The following CRACD variants were observed in gnomAD, a reference collection of about 807,000 sequenced individuals.
The protein encoded by CRACD is capping protein inhibiting regulator of actin dynamics, also known as capping protein-inhibiting regulator of actin dynamics.
Under a neutral mutation model 106.8 loss-of-function variants are expected in CRACD, and 56 were observed. That is an observed-to-expected ratio of 0.52 (90% CI 0.42 to 0.66). CRACD has a LOEUF of 0.66. CRACD is among the 30% of genes least tolerant of loss of function. The pLI is 0.00. For synonymous variants in CRACD, 754 were observed against 670.8 expected (o/e 1.12, Z -1.92); for missense variants, 1,730 against 1,623.2 (o/e 1.07, Z -1.13).
chr4:56,242,421 C>T (rs1297270186), intron 2 of CRACD, among the ~76,000 whole-genome samples: 1 of 152,140 alleles, frequency 6.6e-6, no homozygotes, highest in African/African-American at 2.4e-5. Flanking sequence ...TCACTTCCTT[C>T]TGCTCTTCCA....
intron 9 of CRACD, 135 bp from the exon 10 acceptor site, chr4:56,323,969 C>T (rs1472605411): frequency 2.1e-6 from 2 of 936,792 alleles, no homozygotes; most frequent in Non-Finnish European, 3.2e-6. Context: ...GTACATGGCT[C>T]ATACATGTAA....
intron 1 of CRACD, among the ~76,000 whole-genome samples, chr4:56,154,315 A>T (rs576854526): frequency 6.6e-6 from 1 of 152,130 alleles, no homozygotes; most frequent in East Asian, 1.9e-4. Context: ...AAAATACAAA[A>T]ATTAGCAGGG....
In CRACD at chr4:56,328,304, A is replaced by G. The variant is rs1292282496; in HGVS notation, c.*500A>G. On this transcript the variant is annotated 3_prime_UTR_variant, in exon 11 of 11. Coordinates refer to ENST00000682029, the MANE Select transcript of CRACD (RefSeq NM_001393381.1). ...AAAGCAAGAACACCCATTCTCCTGA[A>G]TGCAGTGAGTAATTGGGAATCACAA... 1.9e-6 allele frequency: 1 copy of G among 518,626 alleles called. No individual in the cohort carries two copies. The highest frequency in any genetic ancestry group is 1.9e-5 in the African/African-American group (1 of 52,074). The allele number at this position is 518,626 out of a possible 1,614,324, so 32.1% of individuals were successfully genotyped here.
chr4:56,271,091 G>A (rs1265916237), intron 2 of CRACD, among the ~76,000 whole-genome samples: 1 of 144,968 alleles, frequency 6.9e-6, no homozygotes, highest in Non-Finnish European at 1.5e-5. Flanking sequence ...GGCGATAAGA[G>A]TGAAACTCCA....
At chr4:56,319,295 G>T (rs1377131144) in intron 8 of CRACD, among the ~76,000 whole-genome samples, 2 of 152,114 alleles carry the variant, frequency 1.3e-5, no homozygotes, top group Non-Finnish European at 2.9e-5. Context: ...GCCAGTCAGG[G>T]TACTAAGTAT....
chr4:56,292,669 C>A (rs557183929), intron 3 of CRACD, among the ~76,000 whole-genome samples: 1 of 152,048 alleles, frequency 6.6e-6, no homozygotes, highest in Admixed American at 6.6e-5. Context: ...GGACTACAGG[C>A]GCCTGCCACC....
At position 56,126,058 on chromosome 4, in the gene CRACD, C is replaced by T. The variant is rs543429705; in HGVS notation, c.-335-53226C>T. On this transcript the variant is annotated intron_variant, in intron 1 of 10. Coordinates refer to ENST00000682029, the MANE Select transcript of CRACD (RefSeq NM_001393381.1). Reference sequence around the variant, plus strand: ...AAATGCTGAGTGGCATGAGCTACTGCACCCAGCCTCTTTATTCTTTTTGAT... The same window carrying T: ...AAATGCTGAGTGGCATGAGCTACTGTACCCAGCCTCTTTATTCTTTTTGAT... 7.2e-5 allele frequency among the ~76,000 whole-genome samples: 11 copies of T among 152,260 alleles called. No homozygotes were observed. The East Asian group carries it at 1.9e-3, about 27-fold the overall frequency.
At chr4:56,214,153 G>A (rs1335732899) in intron 2 of CRACD, among the ~76,000 whole-genome samples, 4 of 152,122 alleles carry the variant, frequency 2.6e-5, no homozygotes, top group African/African-American at 9.7e-5. Flanking sequence ...TCAAGGCACT[G>A]TCAGATTTGG....
At chr4:56,206,662 G>A (rs555079626) in intron 2 of CRACD, among the ~76,000 whole-genome samples, 1 of 152,238 alleles carries the variant, frequency 6.6e-6, no homozygotes. Flanking sequence ...AGTCCATTTT[G>A]GTTTGGTTTT....
intron 2 of CRACD, among the ~76,000 whole-genome samples, chr4:56,215,183 T>A (rs1392705872): frequency 2.0e-5 from 3 of 152,286 alleles, no homozygotes; most frequent in Non-Finnish European, 4.4e-5. Context: ...CTAATTTTTT[T>A]AATTTTTAAA....
At chr4:56,111,968 C>T (rs1734137892) in intron 1 of CRACD, among the ~76,000 whole-genome samples, 1 of 152,220 alleles carries the variant, frequency 6.6e-6, no homozygotes, top group Admixed American at 6.5e-5. Flanking sequence ...AGTTTGCCAG[C>T]TGTCCTGGTT....
At chr4:56,094,016 A>G (rs1176637114) in intron 1 of CRACD, among the ~76,000 whole-genome samples, 2 of 152,214 alleles carry the variant, frequency 1.3e-5, no homozygotes, top group Non-Finnish European at 2.9e-5. Flanking sequence ...TTCTTGTTAG[A>G]TAGTCACTAG....
chr4:56,300,872 A>C (rs1030393971), intron 4 of CRACD, among the ~76,000 whole-genome samples: 1 of 152,248 alleles, frequency 6.6e-6, no homozygotes, highest in African/African-American at 2.4e-5. Flanking sequence ...GTAAGGCGTG[A>C]TTTTAAATAA....
At chr4:56,236,997 T>A (rs1740014111) in intron 2 of CRACD, among the ~76,000 whole-genome samples, 1 of 152,306 alleles carries the variant, frequency 6.6e-6, no homozygotes, top group South Asian at 2.1e-4. Context: ...GCCATGTATA[T>A]TAACATTTCA....
chr4:56,077,320 C>T (rs529548832), intron 1 of CRACD, among the ~76,000 whole-genome samples: 2 of 152,298 alleles, frequency 1.3e-5, no homozygotes, highest in African/African-American at 4.8e-5. Context: ...ACAAGAACAG[C>T]ATGGGGGAAA....
intron 2 of CRACD, among the ~76,000 whole-genome samples, chr4:56,214,924 C>T (rs1021747989): frequency 4.6e-5 from 7 of 151,304 alleles, no homozygotes; most frequent in South Asian, 2.1e-4. Context: ...CATGTGAACC[C>T]GGGAGGTGGA....
At chr4:56,155,818 A>G (rs1057174075) in intron 1 of CRACD, among the ~76,000 whole-genome samples, 13 of 152,180 alleles carry the variant, frequency 8.5e-5, no homozygotes, top group Non-Finnish European at 1.2e-4. Flanking sequence ...AATAACTAAA[A>G]TTTTAAAGAG....
chr4:56,089,606 C>T (rs947075874), intron 1 of CRACD, among the ~76,000 whole-genome samples: 16 of 151,662 alleles, frequency 1.1e-4, no homozygotes, highest in East Asian at 3.9e-4. Context: ...CTCCGCCTCC[C>T]GGGTTCAAGC....
intron 2 of CRACD, among the ~76,000 whole-genome samples, chr4:56,217,768 C>G (rs893384607): frequency 1.3e-5 from 2 of 152,188 alleles, no homozygotes; most frequent in Admixed American, 6.5e-5. Flanking sequence ...CACTTTCCCT[C>G]GAGGCCTGAA....
Sources: gnomAD v4.1 joint callset for allele counts (sites outside exome capture counted in the v4.1 genomes callset) on GRCh38, gnomAD v4.1.1 for gene constraint, MANE v1.5 for transcripts, NCBI Gene and HGNC (gene_info 2026-07-23, HGNC 2026-07-21) for gene names.